The following FANCD2 variants were observed in gnomAD, a reference collection of about 807,000 sequenced individuals.
The protein encoded by FANCD2 is FA complementation group D2, also known as Fanconi anemia group D2 protein.
In FANCD2, 131 loss-of-function variants were observed where a neutral mutation model predicts 192.3. The observed-to-expected ratio is 0.68, with a 90% CI of 0.59 to 0.79. The LOEUF (loss-of-function observed/expected upper bound fraction) is 0.79, where lower values mean the gene tolerates loss of function less well. Among genes scored for constraint, FANCD2 ranks in the 30% least tolerant of loss-of-function variants. The pLI is 0.00. For synonymous variants in FANCD2, 524 were observed against 612.5 expected, an observed-to-expected ratio of 0.86 and a Z score of 2.13; for missense variants, 1,508 against 1,701.6, an observed-to-expected ratio of 0.89 and a Z score of 2.00.
chr3:10,040,007 T>A, intron 9 of FANCD2, 162 bp downstream of exon 9: 1 of 659,772 alleles, frequency 1.5e-6, no homozygotes, highest in Non-Finnish European at 2.5e-6. Context: ...AAAAAAGGTA[T>A]ATATTTGAAT....
chr3:10,088,452 C>G lies in FANCD2; in HGVS notation c.3470C>G (p.Ser1157Cys). 1 of 1,602,634 alleles carries G rather than the reference C, an allele frequency of 6.2e-7. No homozygotes were observed. Among genetic ancestry groups the G allele is most frequent in the Non-Finnish European group, 8.6e-7 (1 of 1,169,534 alleles). The change falls in exon 35 of 44, where the codon TCC (serine) becomes TGC (cysteine). Residue 1157 changes from serine to cysteine, a missense_variant. This residue lies in a region of FANCD2 where 796 missense variants were observed against 879.4 expected (regional missense o/e 0.91). Transcript: ENST00000675286. ...ASAQNKEKIASLARQFLCRVW... is the reference protein window; with the variant it reads ...ASAQNKEKIACLARQFLCRVW... ...CCTTTGTCTTCTTTTCTAACAGCTT[C>G]CCTTGCCAGACAATTCCTCTGTCGG...
chr3:10,034,643 C>A, intron 4 of FANCD2, 52 bp from the exon 5 acceptor site: 2 of 1,513,730 alleles, frequency 1.3e-6, no homozygotes, highest in Non-Finnish European at 1.8e-6. Flanking sequence ...TTTTTAACAG[C>A]AAATATTAAA....
At chr3:10,097,208 A>G (rs541158285) in intron 42 of FANCD2, among the ~76,000 whole-genome samples, 1 of 152,352 alleles carries the variant, frequency 6.6e-6, no homozygotes, top group Non-Finnish European at 1.5e-5. Flanking sequence ...GGCGAAATTG[A>G]AATTGCTAAT....
At chr3:10,098,322 AC>A (rs1448873581) in intron 42 of FANCD2, among the ~76,000 whole-genome samples, 1 of 152,154 alleles carries the variant, frequency 6.6e-6, no homozygotes, top group Non-Finnish European at 1.5e-5. Context: ...ATGTTCTGAA[AC>A]CACCTCACCA....
intron 42 of FANCD2, among the ~76,000 whole-genome samples, chr3:10,097,802 T>A (rs1179250330): frequency 6.6e-6 from 1 of 152,138 alleles, no homozygotes; most frequent in Non-Finnish European, 1.5e-5. Flanking sequence ...TCTTTACAAT[T>A]TATGTTTAGA....
intron 32 of FANCD2, among the ~76,000 whole-genome samples, chr3:10,085,150 A>G (rs901897586): frequency 6.6e-6 from 1 of 152,216 alleles, no homozygotes; most frequent in African/African-American, 2.4e-5. Flanking sequence ...GTATTTTTGA[A>G]GAAGACTACA....
chr3:10,039,917 G>C (rs764145888), intron 9 of FANCD2, 72 bp downstream of exon 9: 1 of 1,576,080 alleles, frequency 6.3e-7, no homozygotes, highest in Admixed American at 1.7e-5. Flanking sequence ...TATGCAAAGA[G>C]CAGTAGTAAT....
intron 29 of FANCD2, among the ~76,000 whole-genome samples, chr3:10,076,104 G>A (rs182726983): frequency 6.6e-6 from 1 of 151,172 alleles, no homozygotes; most frequent in Non-Finnish European, 1.5e-5. Context: ...TGTGTATTGA[G>A]TGAGCAGTTT....
At chr3:10,033,433 C>G (rs1178347955) in intron 3 of FANCD2, among the ~76,000 whole-genome samples, 1 of 152,130 alleles carries the variant, frequency 6.6e-6, no homozygotes, top group Non-Finnish European at 1.5e-5. Context: ...GAAAATGGTA[C>G]AGTCTTTGGT....
At chr3:10,057,782 AT>A (rs1454850599) in intron 18 of FANCD2, among the ~76,000 whole-genome samples, 1 of 152,236 alleles carries the variant, frequency 6.6e-6, no homozygotes, top group Non-Finnish European at 1.5e-5. Context: ...TGGAATTACT[AT>A]TAAAATTAAA....
chr3:10,034,633 T>C, intron 4 of FANCD2, 62 bp from the exon 5 acceptor site: 2 of 1,513,282 alleles, frequency 1.3e-6, no homozygotes, highest in East Asian at 4.5e-5. Context: ...GCTAGAATGA[T>C]TTTTAACAGC....
intron 15 of FANCD2, among the ~76,000 whole-genome samples, chr3:10,047,428 A>G (rs779615596): frequency 4.6e-5 from 7 of 152,420 alleles, no homozygotes; most frequent in Non-Finnish European, 8.8e-5. Flanking sequence ...ATGTTTATTA[A>G]CTGGTTATTT....
At position 10,101,329 on chromosome 3, in the gene FANCD2, G is replaced by T; in HGVS notation, c.*67G>T. 1 of 1,063,264 alleles carries T rather than the reference G, an allele frequency of 9.4e-7. No individual in the cohort carries two copies. The highest frequency in any genetic ancestry group is 2.6e-5 in the East Asian group (1 of 38,996). The allele number at this position is 1,063,264 out of a possible 1,614,324, so 65.9% of individuals were successfully genotyped here. A position where few individuals can be genotyped will look rare whatever the true frequency, so the allele number is the denominator to read the frequency against. ...CTGTGATCATTTTGTGTTAGAGTTT[G>T]AAATCCGCTGTTTGCCTTTCTTACT... On this transcript the variant is annotated 3_prime_UTR_variant, in exon 44 of 44. Coordinates refer to ENST00000675286, the MANE Select transcript of FANCD2 (RefSeq NM_001018115.3).
chr3:10,065,619 C>G (rs1275620181), intron 24 of FANCD2, 125 bp downstream of exon 24: 1 of 763,148 alleles, frequency 1.3e-6, no homozygotes, highest in Non-Finnish European at 2.4e-6. Context: ...AATAGTTTAT[C>G]ATTGGAATTC....
rs1373304921 is a variant in FANCD2, at chr3:10,088,489, T to G, written c.3507T>G (p.Ser1169Arg). ...AATTCCTCTGTCGGGTGTGGCCAAG[T>G]GGGGATAAAGAGAAGAGCAACATCT... is the stretch of plus-strand genomic sequence containing the variant. ...ARQFLCRVWP[S>R]GDKEKSNISN... Residue 1169 changes from serine (S) to arginine (R), a missense_variant, in exon 35 of 44, where the codon AGT becomes AGG. Physicochemically the swap from Ser to Arg is moderately radical, Grantham distance 110 (BLOSUM62 -1). Transcript: ENST00000675286. The G allele has an allele frequency of 6.2e-7, 1 of 1,612,794 alleles. No homozygotes were observed. The highest frequency in any genetic ancestry group is 8.5e-7 in the Non-Finnish European group (1 of 1,178,782).
chr3:10,054,468 TA>T (rs1469975634), intron 18 of FANCD2, among the ~76,000 whole-genome samples: 663 of 30,462 alleles, frequency 0.022, 15 homozygotes, highest in East Asian at 0.053. Flanking sequence ...TATATATATA[TA>T]TATATTTTTT....
intron 12 of FANCD2, 51 bp downstream of exon 12, chr3:10,043,201 G>A (rs748295839): frequency 3.0e-6 from 4 of 1,346,148 alleles, no homozygotes; most frequent in South Asian, 1.2e-5. Context: ...ACATCCCACT[G>A]TCAGAGTTAG....
At chr3:10,039,938 C>G in intron 9 of FANCD2, 93 bp downstream of exon 9, 1 of 1,473,440 alleles carries the variant, frequency 6.8e-7, no homozygotes, top group Non-Finnish European at 9.4e-7. Context: ...ATGGTCTCTT[C>G]TATCTAAAAA....
intron 43 of FANCD2, among the ~76,000 whole-genome samples, chr3:10,100,405 CCTCT>C (rs1695230466): frequency 6.6e-6 from 1 of 152,080 alleles, no homozygotes; most frequent in Non-Finnish European, 1.5e-5. Context: ...ACGGAGTCTC[CCTCT>C]GTCGCCCAGG....
Sources: allele counts gnomAD v4.1 joint callset (sites outside exome capture counted in the v4.1 genomes callset), GRCh38; gene constraint gnomAD v4.1.1; regional missense constraint gnomAD v4.1.1; transcripts MANE v1.5; gene names NCBI Gene and HGNC (gene_info 2026-07-23, HGNC 2026-07-21).